Variants in DNAH7 observed in about 807,000 individuals in gnomAD.
DNAH7 encodes the protein dynein axonemal heavy chain 7, also known as axonemal beta dynein heavy chain 7.
Under a neutral mutation model 444.6 loss-of-function variants are expected in DNAH7, and 397 were observed. The observed-to-expected ratio is 0.89, with a 90% confidence interval of 0.82 to 0.97. The LOEUF (loss-of-function observed/expected upper bound fraction) is 0.97, where lower values mean the gene tolerates loss of function less well. DNAH7 is among the 50% of genes least tolerant of loss of function. The probability of loss-of-function intolerance (pLI) is 0.00; values close to 1 mark genes in which losing one functional copy is unlikely to be tolerated. For missense variants in DNAH7, 4,902 were observed against 4,800.8 expected, an observed-to-expected ratio of 1.02 and a Z score of -0.62; for synonymous variants, 1,636 against 1,624.4, an observed-to-expected ratio of 1.01 and a Z score of -0.17.
chr2:195,791,981 C>T (rs1173625589), intron 57 of DNAH7, among the ~76,000 whole-genome samples: 1 of 152,036 alleles, frequency 6.6e-6, no homozygotes, highest in Non-Finnish European at 1.5e-5. Context: ...GCCTGGCCAA[C>T]ATGGTGAAAC....
intron 2 of DNAH7, among the ~76,000 whole-genome samples, chr2:196,051,729 T>A (rs1296495928): frequency 6.6e-6 from 1 of 151,796 alleles, no homozygotes; most frequent in African/African-American, 2.4e-5. Flanking sequence ...ATCGCACCAC[T>A]GCACTCCAGC....
At chr2:195,925,020 T>A (rs375854331) in intron 22 of DNAH7, among the ~76,000 whole-genome samples, 14 of 152,246 alleles carry the variant, frequency 9.2e-5, no homozygotes, top group African/African-American at 3.4e-4. Context: ...GTGGCAGCAA[T>A]GAAACTAAAA....
At chr2:195,936,872 A>G (rs887272207) in intron 19 of DNAH7, 80 bp from the exon 20 acceptor site, 2 of 1,125,956 alleles carry the variant, frequency 1.8e-6, no homozygotes, top group South Asian at 2.3e-5. Context: ...ATTTGAGATT[A>G]TATGTTTGTA....
intron 19 of DNAH7, among the ~76,000 whole-genome samples, chr2:195,941,549 T>C (rs1018271145): frequency 6.7e-6 from 1 of 150,194 alleles, no homozygotes; most frequent in Admixed American, 6.6e-5. Context: ...GTTCTGCACA[T>C]GTATCCCCAA....
At chr2:196,067,417 T>G (rs182336692) in intron 1 of DNAH7, among the ~76,000 whole-genome samples, 61 of 152,018 alleles carry the variant, frequency 4.0e-4, no homozygotes, top group African/African-American at 1.4e-3. Context: ...ACTAGTAAGA[T>G]CTATTAAACA....
intron 20 of DNAH7, among the ~76,000 whole-genome samples, chr2:195,936,322 C>A (rs959451487): frequency 1.3e-5 from 2 of 152,066 alleles, no homozygotes; most frequent in African/African-American, 4.8e-5. Flanking sequence ...TGCAGTGAGC[C>A]AAGGTCGCGC....
chr2:195,794,504 C>G lies in DNAH7; in HGVS notation c.10550G>C (p.Arg3517Pro). 2 of 1,614,056 alleles carry G rather than the reference C, an allele frequency of 1.2e-6. No homozygotes were observed. Among genetic ancestry groups the G allele is most frequent in the Non-Finnish European group, 8.5e-7 (1 of 1,180,004 alleles). Residue 3517 changes from arginine (R) to proline (P), a missense_variant, in exon 57 of 65, where the codon CGA becomes CCA. Coordinates refer to ENST00000312428, the MANE Select transcript of DNAH7 (RefSeq NM_018897.3). The stretch of plus-strand genomic sequence containing the variant: ...AGATGGGTAACTCGTTAGCCACATT[C>G]GGAAATCTGGATGTGTTGACTCTGG... Reference protein sequence around the residue: ...LSPESTHPDFRMWLTSYPSPN... With the variant: ...LSPESTHPDFPMWLTSYPSPN...
chr2:195,794,607 G>T, intron 56 of DNAH7, 69 bp from the exon 57 acceptor site: 1 of 1,455,078 alleles, frequency 6.9e-7, no homozygotes, highest in Non-Finnish European at 9.6e-7. Flanking sequence ...GCATACATAT[G>T]AAGGATGAGT....
intron 19 of DNAH7, among the ~76,000 whole-genome samples, chr2:195,949,049 G>A (rs1690029225): frequency 1.3e-5 from 2 of 152,066 alleles, no homozygotes; most frequent in South Asian, 4.1e-4. Flanking sequence ...TATTCTTTTT[G>A]TAGGAATTGT....
intron 60 of DNAH7, among the ~76,000 whole-genome samples, chr2:195,772,851 G>A (rs116204853): frequency 0.038 from 5,504 of 145,232 alleles, 137 homozygotes; most frequent in African/African-American, 0.067. Context: ...CACGATTTCC[G>A]TTCGCTGCAA....
At chr2:195,815,983 C>T (rs947804628) in intron 51 of DNAH7, among the ~76,000 whole-genome samples, 10 of 152,170 alleles carry the variant, frequency 6.6e-5, no homozygotes, top group African/African-American at 1.9e-4. Flanking sequence ...CAGAGTGAGC[C>T]TCCGTCTCAA....
intron 63 of DNAH7, among the ~76,000 whole-genome samples, chr2:195,744,405 C>T (rs1346652004): frequency 2.6e-5 from 4 of 152,222 alleles, no homozygotes; most frequent in East Asian, 1.9e-4. Context: ...GGAGGCCTGC[C>T]TACCTCTGGG....
intron 24 of DNAH7, among the ~76,000 whole-genome samples, chr2:195,917,209 A>G (rs1320903501): frequency 1.3e-5 from 2 of 151,820 alleles, no homozygotes; most frequent in Non-Finnish European, 2.9e-5. Flanking sequence ...GGTGATCAGC[A>G]GCTTCCCGAT....
chr2:195,981,470 A>G (rs1692567063), intron 15 of DNAH7, among the ~76,000 whole-genome samples: 1 of 152,102 alleles, frequency 6.6e-6, no homozygotes, highest in Admixed American at 6.6e-5. Flanking sequence ...AAAACTTAAA[A>G]TTTATACGAA....
intron 5 of DNAH7, among the ~76,000 whole-genome samples, chr2:196,030,935 C>T (rs146559876): frequency 3.3e-3 from 501 of 152,306 alleles, no homozygotes; most frequent in African/African-American, 0.011. Context: ...ATGCTGGGGT[C>T]TGAAGGACAG....
intron 47 of DNAH7, among the ~76,000 whole-genome samples, chr2:195,834,822 T>C (rs1220906097): frequency 6.6e-6 from 1 of 151,996 alleles, no homozygotes; most frequent in Non-Finnish European, 1.5e-5. Flanking sequence ...TTTGGAATAT[T>C]ATATCTCAAA....
intron 46 of DNAH7, among the ~76,000 whole-genome samples, chr2:195,848,517 G>A (rs533924565): frequency 6.6e-6 from 1 of 152,306 alleles, no homozygotes; most frequent in South Asian, 2.1e-4. Flanking sequence ...AATTATATGA[G>A]CTTATGTGTG....
intron 61 of DNAH7, among the ~76,000 whole-genome samples, chr2:195,764,679 A>C (rs1694492866): frequency 1.3e-5 from 2 of 152,022 alleles, no homozygotes; most frequent in African/African-American, 4.8e-5. Flanking sequence ...TTAACCAAAG[A>C]AGTAAAAAGA....
intron 49 of DNAH7, among the ~76,000 whole-genome samples, chr2:195,823,149 A>G (rs1285010162): frequency 1.3e-5 from 2 of 152,222 alleles, no homozygotes; most frequent in Non-Finnish European, 2.9e-5. Flanking sequence ...AATACATAGT[A>G]GACATTTGAA....
Sources: allele counts gnomAD v4.1 joint callset (sites outside exome capture counted in the v4.1 genomes callset), GRCh38; gene constraint gnomAD v4.1.1; transcripts MANE v1.5; gene names NCBI Gene and HGNC (gene_info 2026-07-23, HGNC 2026-07-21).